The following ROBO2 variants were observed in gnomAD, a reference collection of about 807,000 sequenced individuals.
ROBO2 encodes roundabout guidance receptor 2, also known as roundabout homolog 2.
ROBO2 carries 53 observed loss-of-function variants against 160.8 expected under a neutral mutation model. That is an observed-to-expected ratio of 0.33 (90% CI 0.26 to 0.41). ROBO2 has a LOEUF of 0.41. Ranked by LOEUF, ROBO2 falls within the 10% of genes least tolerant of loss-of-function variation. The probability of loss-of-function intolerance (pLI) is 1.00; values close to 1 mark genes in which losing one functional copy is unlikely to be tolerated. For synonymous variants in ROBO2, 664 were observed against 611.7 expected (o/e 1.09, Z -1.26); for missense variants, 1,577 against 1,722.4 (o/e 0.92, Z 1.49).
chr3:75,966,665 T>C (rs547006504), intron 2 of ROBO2, among the ~76,000 whole-genome samples: 1 of 151,720 alleles, frequency 6.6e-6, no homozygotes, highest in Non-Finnish European at 1.5e-5. Context: ...GTTGGTTAAA[T>C]AAGACAATTT....
chr3:76,630,801 T>A (rs2089985433), intron 2 of ROBO2, among the ~76,000 whole-genome samples: 1 of 152,250 alleles, frequency 6.6e-6, no homozygotes, highest in South Asian at 2.1e-4. Flanking sequence ...ATAGAATATC[T>A]GCAGCTAAAT....
intron 2 of ROBO2, among the ~76,000 whole-genome samples, chr3:76,977,504 G>T (rs1439127474): frequency 6.6e-6 from 1 of 152,106 alleles, no homozygotes; most frequent in Non-Finnish European, 1.5e-5. Flanking sequence ...CTGGTGCAAA[G>T]AAAAGCTTTG....
chr3:77,394,716 C>A (rs1463883239), intron 2 of ROBO2, among the ~76,000 whole-genome samples: 1 of 151,948 alleles, frequency 6.6e-6, no homozygotes, highest in Non-Finnish European at 1.5e-5. Context: ...GAAAGATAAC[C>A]AAGAATGCCT....
intron 1 of ROBO2, among the ~76,000 whole-genome samples, chr3:75,913,326 C>G (rs1946677248): frequency 6.6e-6 from 1 of 152,142 alleles, no homozygotes; most frequent in South Asian, 2.1e-4. Context: ...ATCTACAAGT[C>G]CCTTTGGCTA....
rs531027632 is a variant in ROBO2 at position 76,664,646 on chromosome 3, T to C, written c.110-433368T>C. ...TTTAAAAAGCTATGTGGGTTTCTACTGTAACCTCCAGTGAAATAAAACTTT... is the reference window on the plus strand; with the variant it reads ...TTTAAAAAGCTATGTGGGTTTCTACCGTAACCTCCAGTGAAATAAAACTTT... On this transcript the variant is annotated intron_variant, in intron 2 of 26. Transcript: ENST00000487694. 1.2e-4 allele frequency among the ~76,000 whole-genome samples: 19 copies of C among 152,294 alleles called. No homozygotes were observed. The East Asian group carries it at 3.5e-3, about 28-fold the overall frequency.
chr3:77,451,008 T>C (rs1355180033), intron 2 of ROBO2, among the ~76,000 whole-genome samples: 1 of 152,148 alleles, frequency 6.6e-6, no homozygotes, highest in Non-Finnish European at 1.5e-5. Context: ...CATTTTGTTA[T>C]ATTCATCCGT....
chr3:76,173,515 A>G (rs911835981), intron 2 of ROBO2, among the ~76,000 whole-genome samples: 1 of 149,932 alleles, frequency 6.7e-6, no homozygotes. Flanking sequence ...CCTCCCCTTG[A>G]CCCCCACCCC....
intron 2 of ROBO2, among the ~76,000 whole-genome samples, chr3:77,231,065 T>C (rs1157203256): frequency 6.6e-6 from 1 of 151,200 alleles, no homozygotes; most frequent in African/African-American, 2.5e-5. Context: ...ACTTTCTCAC[T>C]AGTTAAGAAT....
At chr3:76,769,590 C>G (rs1197982793) in intron 2 of ROBO2, among the ~76,000 whole-genome samples, 1 of 151,536 alleles carries the variant, frequency 6.6e-6, no homozygotes, top group Non-Finnish European at 1.5e-5. Context: ...ATAGTCATTT[C>G]ATTTTAGTCA....
At chr3:76,197,233 G>A (rs1452070049) in intron 2 of ROBO2, among the ~76,000 whole-genome samples, 1 of 147,844 alleles carries the variant, frequency 6.8e-6, no homozygotes, top group Non-Finnish European at 1.5e-5. Flanking sequence ...TCTCCTTTTG[G>A]GGAGTGATAA....
chr3:77,008,170 GA>G (rs1164718743), intron 2 of ROBO2, among the ~76,000 whole-genome samples: 2 of 151,848 alleles, frequency 1.3e-5, no homozygotes, highest in South Asian at 4.2e-4. Context: ...TTGTTCCCCA[GA>G]AAAAAAGAAG....
At chr3:76,921,664 T>C (rs1352541921) in intron 2 of ROBO2, among the ~76,000 whole-genome samples, 2 of 152,188 alleles carry the variant, frequency 1.3e-5, no homozygotes, top group Non-Finnish European at 2.9e-5. Context: ...TTTAAAAGCA[T>C]TGAGTGTTTT....
At chr3:77,394,577 A>G (rs959583203) in intron 2 of ROBO2, among the ~76,000 whole-genome samples, 8 of 152,168 alleles carry the variant, frequency 5.3e-5, no homozygotes, top group Non-Finnish European at 1.0e-4. Context: ...TATTTCAGAA[A>G]TATGTAGTTT....
At chr3:77,210,489 A>G (rs1379075347) in intron 2 of ROBO2, among the ~76,000 whole-genome samples, 1 of 152,214 alleles carries the variant, frequency 6.6e-6, no homozygotes, top group Non-Finnish European at 1.5e-5. Context: ...TTCTAGAACA[A>G]TATTTATTGA....
chr3:76,584,803 A>G (rs1165326756), intron 2 of ROBO2, among the ~76,000 whole-genome samples: 1 of 152,188 alleles, frequency 6.6e-6, no homozygotes, highest in African/African-American at 2.4e-5. Context: ...CTCTGTGTAT[A>G]GGAACGACTT....
At chr3:76,886,263 T>C (rs55883914) in intron 2 of ROBO2, among the ~76,000 whole-genome samples, 1 of 149,134 alleles carries the variant, frequency 6.7e-6, no homozygotes, top group Non-Finnish European at 1.5e-5. Flanking sequence ...CAAAAAAATA[T>C]ATATATATAT....
At chr3:75,963,174 T>C (rs967806861) in intron 2 of ROBO2, among the ~76,000 whole-genome samples, 1 of 151,786 alleles carries the variant, frequency 6.6e-6, no homozygotes, top group Admixed American at 6.6e-5. Context: ...AAATTGTTTT[T>C]ATCTATTTTT....
chr3:77,442,366 C>T (rs954108070), intron 2 of ROBO2, among the ~76,000 whole-genome samples: 1 of 151,886 alleles, frequency 6.6e-6, no homozygotes, highest in Admixed American at 6.6e-5. Flanking sequence ...TTGCATGATG[C>T]TATTTTCATT....
chr3:76,488,072 G>A (rs886816720), intron 2 of ROBO2, among the ~76,000 whole-genome samples: 3 of 152,284 alleles, frequency 2.0e-5, no homozygotes, highest in South Asian at 2.1e-4. Flanking sequence ...GGGGAGTCAC[G>A]AATAATCAGG....
Sources: gnomAD v4.1 joint callset for allele counts (sites outside exome capture counted in the v4.1 genomes callset) on GRCh38, gnomAD v4.1.1 for gene constraint, MANE v1.5 for transcripts, NCBI Gene and HGNC (gene_info 2026-07-23, HGNC 2026-07-21) for gene names.